The following COL25A1 variants were observed in gnomAD, a reference collection of about 807,000 sequenced individuals.
The protein encoded by COL25A1 is collagen alpha-1(XXV) chain.
A neutral mutation model predicts 128.4 loss-of-function variants in COL25A1; 103 were observed. That is an observed-to-expected ratio of 0.80 (90% CI 0.68 to 0.94). COL25A1 has a LOEUF of 0.94. Among genes scored for constraint, COL25A1 ranks in the 40% least tolerant of loss-of-function variants. The pLI, the probability that COL25A1 is intolerant of heterozygous loss-of-function variation, is 0.00. For synonymous variants in COL25A1, 279 were observed against 277.2 expected (o/e 1.01, Z -0.06); for missense variants, 745 against 840.0 (o/e 0.89, Z 1.40).
intron 19 of COL25A1, among the ~76,000 whole-genome samples, chr4:108,883,943 T>C (rs575008492): frequency 6.6e-6 from 1 of 152,312 alleles, no homozygotes; most frequent in South Asian, 2.1e-4. Context: ...TTTACATTTA[T>C]TTAAGGGGCA....
intron 11 of COL25A1, among the ~76,000 whole-genome samples, chr4:108,928,994 TC>T (rs1746413537): frequency 6.6e-6 from 1 of 152,252 alleles, no homozygotes; most frequent in East Asian, 1.9e-4. Flanking sequence ...CTTGGCTGTT[TC>T]CTTTTCACTC....
chr4:108,832,093 A>G (rs548439441), intron 32 of COL25A1, among the ~76,000 whole-genome samples: 37 of 152,304 alleles, frequency 2.4e-4, no homozygotes, highest in African/African-American at 8.7e-4. Flanking sequence ...ATAAAGGCCA[A>G]ATGAAAATAT....
At chr4:109,282,327 GATT>G (rs1418323757) in intron 3 of COL25A1, among the ~76,000 whole-genome samples, 3 of 152,070 alleles carry the variant, frequency 2.0e-5, no homozygotes, top group African/African-American at 7.2e-5. Context: ...CATCAAGAGT[GATT>G]ATTATTAACA....
At chr4:109,013,151 T>C (rs571885540) in intron 5 of COL25A1, among the ~76,000 whole-genome samples, 122 of 152,270 alleles carry the variant, frequency 8.0e-4, no homozygotes, top group African/African-American at 2.7e-3. Flanking sequence ...AACGCACCAA[T>C]CAGTGCTCTG....
At chr4:109,087,094 C>G (rs1392906074) in intron 3 of COL25A1, among the ~76,000 whole-genome samples, 1 of 152,092 alleles carries the variant, frequency 6.6e-6, no homozygotes, top group African/African-American at 2.4e-5. Flanking sequence ...GCCTATCAAC[C>G]ACCCAGTGTG....
At chr4:109,233,064 C>G (rs1779256866) in intron 3 of COL25A1, among the ~76,000 whole-genome samples, 1 of 152,046 alleles carries the variant, frequency 6.6e-6, no homozygotes, top group African/African-American at 2.4e-5. Context: ...CTTATGAATT[C>G]TTCTTTCTTC....
chr4:109,152,979 C>A (rs975313680), intron 3 of COL25A1, among the ~76,000 whole-genome samples: 3 of 152,014 alleles, frequency 2.0e-5, no homozygotes, highest in Admixed American at 6.6e-5. Context: ...GCATGACAAC[C>A]TGAATGTACC....
At chr4:109,284,741 A>G (rs1471991361) in intron 3 of COL25A1, among the ~76,000 whole-genome samples, 1 of 152,142 alleles carries the variant, frequency 6.6e-6, no homozygotes, top group Non-Finnish European at 1.5e-5. Context: ...TATTCCAACA[A>G]ATTCTGACAA....
chr4:109,065,190 C>A (rs1248735497), intron 3 of COL25A1, among the ~76,000 whole-genome samples: 1 of 152,178 alleles, frequency 6.6e-6, no homozygotes, highest in East Asian at 1.9e-4. Flanking sequence ...CACACAAATC[C>A]CTCTGGAGTC....
intron 3 of COL25A1, among the ~76,000 whole-genome samples, chr4:109,261,256 C>T (rs1781425607): frequency 6.6e-6 from 1 of 152,136 alleles, no homozygotes; most frequent in South Asian, 2.1e-4. Context: ...GGCACAGTAG[C>T]CCATGCCTGT....
chr4:108,943,107 A>G (rs1287890865), intron 8 of COL25A1, among the ~76,000 whole-genome samples: 2 of 152,170 alleles, frequency 1.3e-5, no homozygotes, highest in Non-Finnish European at 2.9e-5. Context: ...GCTCATTGTC[A>G]CTGAGCCTGG....
chr4:108,940,663 A>C lies in COL25A1; in HGVS notation c.565-17T>G, dbSNP rs1275549650. Reference sequence around the variant, plus strand: ...TTGGTCACCCTGTGATGGAGAAGGGAACAGACCAGCAATAACCATGAAAGA... The same window carrying C: ...TTGGTCACCCTGTGATGGAGAAGGGCACAGACCAGCAATAACCATGAAAGA... On this transcript the variant is annotated splice_polypyrimidine_tract_variant and intron_variant, in intron 9 of 37. Coordinates refer to ENST00000399132, the MANE Select transcript of COL25A1 (RefSeq NM_198721.4). 2 of 1,511,374 alleles carry C rather than the reference A, an allele frequency of 1.3e-6. No homozygotes were observed. The highest frequency in any genetic ancestry group is 2.0e-5 in the Admixed American group (1 of 49,502). The allele number at this position is 1,511,374 out of a possible 1,614,324, so 93.6% of individuals were successfully genotyped here.
At chr4:108,838,527 A>C (rs1312926775) in intron 31 of COL25A1, among the ~76,000 whole-genome samples, 6 of 152,156 alleles carry the variant, frequency 3.9e-5, no homozygotes, top group Admixed American at 3.3e-4. Flanking sequence ...ATGCTGAAGA[A>C]GATTCGGTAG....
chr4:109,278,395 C>T (rs1458201546), intron 3 of COL25A1, among the ~76,000 whole-genome samples: 3 of 152,040 alleles, frequency 2.0e-5, no homozygotes, highest in Non-Finnish European at 2.9e-5. Flanking sequence ...AAAGAAAAAG[C>T]CTGGATGCCT....
At chr4:109,203,341 C>CA (rs1214102226) in intron 3 of COL25A1, among the ~76,000 whole-genome samples, 1 of 151,994 alleles carries the variant, frequency 6.6e-6, no homozygotes, top group Admixed American at 6.6e-5. Flanking sequence ...TCAGATATGT[C>CA]AACCAAACAA....
chr4:109,053,576 G>A (rs922114990), intron 3 of COL25A1, among the ~76,000 whole-genome samples: 1 of 152,102 alleles, frequency 6.6e-6, no homozygotes, highest in Non-Finnish European at 1.5e-5. Context: ...CTCATCAGGT[G>A]AATTACCAAA....
chr4:109,011,176 T>C (rs1253786545), intron 5 of COL25A1, among the ~76,000 whole-genome samples: 2 of 152,178 alleles, frequency 1.3e-5, no homozygotes, highest in Admixed American at 1.3e-4. Context: ...TCAGATGAGA[T>C]TAAAGAAAAT....
At chr4:109,008,411 C>T (rs1271161204) in intron 6 of COL25A1, among the ~76,000 whole-genome samples, 1 of 152,136 alleles carries the variant, frequency 6.6e-6, no homozygotes, top group African/African-American at 2.4e-5. Context: ...TGTTGCCTTC[C>T]CTGTGTCATT....
intron 5 of COL25A1, among the ~76,000 whole-genome samples, chr4:109,039,858 T>G (rs1278240744): frequency 6.6e-6 from 1 of 152,216 alleles, no homozygotes; most frequent in Non-Finnish European, 1.5e-5. Context: ...AAATTCTATA[T>G]TCCATCCTTT....
Sources: allele counts gnomAD v4.1 joint callset (sites outside exome capture counted in the v4.1 genomes callset), GRCh38; gene constraint gnomAD v4.1.1; transcripts MANE v1.5; gene names NCBI Gene and HGNC (gene_info 2026-07-23, HGNC 2026-07-21).